ROBO2: variants seen among roughly 807,000 people sequenced by gnomAD.
ROBO2 encodes the protein roundabout guidance receptor 2, also known as roundabout homolog 2.
In ROBO2, 53 loss-of-function variants were observed where a neutral mutation model predicts 160.8. The observed-to-expected ratio is 0.33, with a 90% CI of 0.26 to 0.41. The LOEUF is 0.41. Among genes scored for constraint, ROBO2 ranks in the 10% least tolerant of loss-of-function variants. The pLI, the probability that ROBO2 is intolerant of heterozygous loss-of-function variation, is 1.00. For missense variants in ROBO2, 1,577 were observed against 1,722.4 expected (o/e 0.92, Z 1.49); for synonymous variants, 664 against 611.7 (o/e 1.09, Z -1.26).
chr3:76,341,067 C>T (rs560639298), intron 2 of ROBO2, among the ~76,000 whole-genome samples: 92 of 152,124 alleles, frequency 6.0e-4, no homozygotes, highest in African/African-American at 1.9e-3. Flanking sequence ...AGGTCAGAAT[C>T]AGTGTAATAT....
intron 2 of ROBO2, among the ~76,000 whole-genome samples, chr3:77,137,920 T>C (rs1375582036): frequency 6.6e-6 from 1 of 152,226 alleles, no homozygotes; most frequent in Non-Finnish European, 1.5e-5. Context: ...GGGAAGGTCA[T>C]TGGTGCAGCC....
intron 1 of ROBO2, among the ~76,000 whole-genome samples, chr3:75,929,675 C>G (rs556867963): frequency 1.3e-5 from 2 of 151,968 alleles, no homozygotes; most frequent in Non-Finnish European, 2.9e-5. Flanking sequence ...CCATCATCAA[C>G]AGACCTCCTT....
intron 5 of ROBO2, among the ~76,000 whole-genome samples, chr3:77,515,223 A>AT: frequency 6.6e-6 from 1 of 151,786 alleles, no homozygotes; most frequent in South Asian, 2.1e-4. Flanking sequence ...TCATAATTTG[A>AT]TTGAGTCTTC....
intron 2 of ROBO2, among the ~76,000 whole-genome samples, chr3:76,901,702 T>C (rs1043296544): frequency 2.0e-5 from 3 of 152,042 alleles, no homozygotes; most frequent in East Asian, 1.9e-4. Flanking sequence ...TCTTTTTATT[T>C]TTTACCCAGA....
At chr3:77,512,911 C>G (rs1038648340) in intron 5 of ROBO2, among the ~76,000 whole-genome samples, 2 of 151,864 alleles carry the variant, frequency 1.3e-5, no homozygotes, top group Non-Finnish European at 2.9e-5. Flanking sequence ...ATTAATACAG[C>G]AGATGCATAA....
At chr3:76,841,994 C>T (rs2068321624) in intron 2 of ROBO2, among the ~76,000 whole-genome samples, 1 of 152,162 alleles carries the variant, frequency 6.6e-6, no homozygotes, top group African/African-American at 2.4e-5. Flanking sequence ...AACAAGATGA[C>T]ATGAGCATTT....
At chr3:76,415,913 G>C (rs1433823010) in intron 2 of ROBO2, among the ~76,000 whole-genome samples, 2 of 152,090 alleles carry the variant, frequency 1.3e-5, no homozygotes, top group Non-Finnish European at 2.9e-5. Flanking sequence ...AAATTAAATT[G>C]ATTAATAATA....
intron 2 of ROBO2, among the ~76,000 whole-genome samples, chr3:76,053,843 G>A (rs554712585): frequency 2.0e-5 from 3 of 152,020 alleles, no homozygotes; most frequent in Non-Finnish European, 4.4e-5. Context: ...TGTAGATTAA[G>A]TGGGCTAGCA....
chr3:77,103,290 T>A (rs923058387), intron 2 of ROBO2, among the ~76,000 whole-genome samples: 1 of 152,196 alleles, frequency 6.6e-6, no homozygotes, highest in Non-Finnish European at 1.5e-5. Context: ...GATTATTTTT[T>A]CCGTTTCCTT....
At chr3:76,872,988 C>CA (rs1455607618) in intron 2 of ROBO2, among the ~76,000 whole-genome samples, 67 of 152,090 alleles carry the variant, frequency 4.4e-4, no homozygotes, top group Non-Finnish European at 7.2e-4. Context: ...GCGTTCTGTT[C>CA]AAAAAATTCA....
intron 24 of ROBO2, among the ~76,000 whole-genome samples, chr3:77,642,076 T>C (rs1433708809): frequency 6.6e-6 from 1 of 152,196 alleles, no homozygotes. Flanking sequence ...ACTCATTAGC[T>C]AACTCATGAA....
intron 2 of ROBO2, among the ~76,000 whole-genome samples, chr3:76,869,349 T>TG (rs1244111671): frequency 5.2e-5 from 7 of 133,722 alleles, no homozygotes; most frequent in East Asian, 2.1e-4. Context: ...GATGTTTTTT[T>TG]TTTTTTTTTT....
chr3:76,597,163 T>G (rs2086787603), intron 2 of ROBO2, among the ~76,000 whole-genome samples: 1 of 152,078 alleles, frequency 6.6e-6, no homozygotes, highest in Admixed American at 6.6e-5. Flanking sequence ...AACTATTAAA[T>G]TTTTAGGAAA....
intron 1 of ROBO2, among the ~76,000 whole-genome samples, chr3:75,923,095 A>T (rs1947137142): frequency 6.6e-6 from 1 of 152,202 alleles, no homozygotes; most frequent in South Asian, 2.1e-4. Flanking sequence ...TATTTCAAGA[A>T]TGCTTTTTTA....
In ROBO2 at chr3:77,182,263, A is replaced by G. The variant is rs2080858801; in HGVS notation, c.388+83923A>G. Reference sequence around the variant, plus strand: ...TTATGGTGGTGGAAAAAGCCAAATAATTCAGAATTTACTTGTTCATTCAAC... The same window carrying G: ...TTATGGTGGTGGAAAAAGCCAAATAGTTCAGAATTTACTTGTTCATTCAAC... On this transcript the variant is annotated intron_variant, in intron 2 of 25. Coordinates refer to ENST00000461745, the Ensembl canonical transcript of ROBO2. 2.6e-5 allele frequency among the ~76,000 whole-genome samples: 4 copies of G among 152,116 alleles called. No individual in the cohort carries two copies. In the South Asian group the frequency reaches 8.3e-4, roughly 31 times the overall value.
chr3:77,431,077 C>T (rs558241340), intron 2 of ROBO2, among the ~76,000 whole-genome samples: 1 of 152,252 alleles, frequency 6.6e-6, no homozygotes, highest in South Asian at 2.1e-4. Context: ...AACTTTTCAG[C>T]GTTAGAATCA....
At chr3:76,576,394 A>G (rs2085291802) in intron 2 of ROBO2, among the ~76,000 whole-genome samples, 1 of 152,028 alleles carries the variant, frequency 6.6e-6, no homozygotes, top group Non-Finnish European at 1.5e-5. Flanking sequence ...ACTACTGGCA[A>G]TTCTTGAATG....
chr3:76,217,540 C>G (rs903110288), intron 2 of ROBO2, among the ~76,000 whole-genome samples: 4 of 152,058 alleles, frequency 2.6e-5, no homozygotes, highest in Non-Finnish European at 5.9e-5. Context: ...AAAACCTCTA[C>G]GCAAATAAAC....
At chr3:76,626,783 C>T (rs1454057831) in intron 2 of ROBO2, among the ~76,000 whole-genome samples, 2 of 152,066 alleles carry the variant, frequency 1.3e-5, no homozygotes, top group East Asian at 1.9e-4. Context: ...AGTTCCGCCT[C>T]CCGGGTTCAC....
Sources: gnomAD v4.1 joint callset for allele counts (sites outside exome capture counted in the v4.1 genomes callset) on GRCh38, gnomAD v4.1.1 for gene constraint, MANE v1.5 for transcripts, NCBI Gene and HGNC (gene_info 2026-07-23, HGNC 2026-07-21) for gene names.